The following NUTM2B variants were observed in gnomAD, a reference collection of about 807,000 sequenced individuals.
NUTM2B encodes the protein family with sequence similarity 22, member B.
A neutral mutation model predicts 42.4 loss-of-function variants in NUTM2B; 2 were observed. That is an observed-to-expected ratio of 0.05 (90% CI 0.02 to 0.15). The LOEUF is 0.15. Among genes scored for constraint, NUTM2B ranks in the 10% least tolerant of loss-of-function variants. The pLI, the probability that NUTM2B is intolerant of heterozygous loss-of-function variation, is 1.00. For missense variants in NUTM2B, 58 were observed against 952.6 expected, an observed-to-expected ratio of 0.06 and a Z score of 12.36; for synonymous variants, 18 against 402.4, an observed-to-expected ratio of 0.04 and a Z score of 11.43.
upstream of NUTM2B, among the ~76,000 whole-genome samples, chr10:79,701,064 G>C (rs987615214): frequency 2.0e-5 from 3 of 152,164 alleles, no homozygotes; most frequent in Admixed American, 2.0e-4. Flanking sequence ...TTATCCTAAA[G>C]CAAAGTATCC....
At chr10:79,708,541 GGTTGT>G (rs1355486162) in intron 2 of NUTM2B, among the ~76,000 whole-genome samples, 153 bp from the exon 3 acceptor site, 1 of 136,922 alleles carries the variant, frequency 7.3e-6, no homozygotes, top group Non-Finnish European at 1.6e-5. Context: ...TTGATCTTGG[GGTTGT>G]GTTCTGGGGC....
At chr10:79,700,893 T>C (rs2258955), upstream of NUTM2B, among the ~76,000 whole-genome samples, 5 of 152,136 alleles carry the variant, frequency 3.3e-5, no homozygotes, top group African/African-American at 1.2e-4. Context: ...GGCACCTGGG[T>C]GCTTCCTGGG....
At chr10:79,698,165 C>CAAA in the NUTM2B span, among the ~76,000 whole-genome samples, 15 of 126,450 alleles carry the variant, frequency 1.2e-4, no homozygotes, top group South Asian at 1.1e-3. Context: ...CCATACAATA[C>CAAA]AAAAAAAAAA....
At chr10:79,705,567 C>T (rs1407266970) in intron 1 of NUTM2B, among the ~76,000 whole-genome samples, 2 of 150,984 alleles carry the variant, frequency 1.3e-5, no homozygotes, top group African/African-American at 4.9e-5. Context: ...TTTACAAGAG[C>T]GTCAGGAAAA....
chr10:79,699,726 A>G (rs1306516036), upstream of NUTM2B, among the ~76,000 whole-genome samples: 3 of 152,196 alleles, frequency 2.0e-5, no homozygotes, highest in African/African-American at 7.2e-5. Flanking sequence ...TATAGGTGTG[A>G]GCCACCGTGC....
At chr10:79,695,584 C>T in the NUTM2B span, among the ~76,000 whole-genome samples, 1 of 152,168 alleles carries the variant, frequency 6.6e-6, no homozygotes, top group East Asian at 1.9e-4. Context: ...AGTATCCCCA[C>T]CCAGGAGGCA....
upstream of NUTM2B, among the ~76,000 whole-genome samples, chr10:79,699,988 G>A (rs1472677091): frequency 3.3e-5 from 5 of 152,358 alleles, no homozygotes; most frequent in Middle Eastern, 3.4e-3. Flanking sequence ...CGTGTGTGCA[G>A]TAAATTTTAG....
At chr10:79,694,042 C>G in the NUTM2B span, among the ~76,000 whole-genome samples, 1 of 152,158 alleles carries the variant, frequency 6.6e-6, no homozygotes, top group Non-Finnish European at 1.5e-5. Flanking sequence ...ACGTGGCTCC[C>G]TCTGCTGGGC....
chr10:79,701,362 T>G (rs148551822), upstream of NUTM2B, among the ~76,000 whole-genome samples: 18,884 of 151,822 alleles, frequency 0.12, 1,645 homozygotes, highest in East Asian at 0.43. Context: ...AATTCCACAC[T>G]CCCCATCCCT....
the NUTM2B span, chr10:79,692,143 G>C: frequency 3.3e-5 from 5 of 151,006 alleles, no homozygotes; most frequent in African/African-American, 1.2e-4. Flanking sequence ...GGGAGCCCAT[G>C]CTCCCCTGGG....
At chr10:79,700,913 C>T (rs527960178), upstream of NUTM2B, among the ~76,000 whole-genome samples, 24 of 152,286 alleles carry the variant, frequency 1.6e-4, no homozygotes, top group South Asian at 2.1e-4. Flanking sequence ...GGCCAGACAA[C>T]GCCCCCTCAT....
At chr10:79,699,789 A>C (rs1464704227), upstream of NUTM2B, among the ~76,000 whole-genome samples, 1 of 152,084 alleles carries the variant, frequency 6.6e-6, no homozygotes, top group African/African-American at 2.4e-5. Context: ...GACACCACCA[A>C]CCCACACATG....
the NUTM2B span, among the ~76,000 whole-genome samples, chr10:79,696,950 A>G: frequency 7.5e-6 from 1 of 133,298 alleles, no homozygotes; most frequent in East Asian, 2.3e-4. Context: ...CAGAGTGTAC[A>G]TTCACTTTGC....
At chr10:79,694,137 C>T in the NUTM2B span, among the ~76,000 whole-genome samples, 1 of 152,164 alleles carries the variant, frequency 6.6e-6, no homozygotes, top group African/African-American at 2.4e-5. Flanking sequence ...ATGGCTCACA[C>T]CTGTAATCCC....
chr10:79,692,541 A>G, the NUTM2B span, among the ~76,000 whole-genome samples: 187 of 152,316 alleles, frequency 1.2e-3, 1 homozygote, highest in African/African-American at 4.3e-3. Flanking sequence ...CTGAGTGCAG[A>G]GAAGACATTT....
chr10:79,694,731 C>G, the NUTM2B span, among the ~76,000 whole-genome samples: 1 of 152,196 alleles, frequency 6.6e-6, no homozygotes, highest in Admixed American at 6.5e-5. Context: ...AAACCGAATC[C>G]ATTCTCTCTT....
upstream of NUTM2B, among the ~76,000 whole-genome samples, chr10:79,698,298 C>T (rs1271562022): frequency 6.6e-6 from 1 of 152,132 alleles, no homozygotes; most frequent in Non-Finnish European, 1.5e-5. Context: ...AAACACTATC[C>T]AATCAATATG....
chr10:79,701,865 C>T (rs1840319556), upstream of NUTM2B, among the ~76,000 whole-genome samples: 1 of 146,846 alleles, frequency 6.8e-6, no homozygotes, highest in Admixed American at 6.9e-5. Context: ...AGACAAGACA[C>T]TTCCACAATA....
At chr10:79,695,827 A>C in the NUTM2B span, among the ~76,000 whole-genome samples, 1 of 151,496 alleles carries the variant, frequency 6.6e-6, no homozygotes, top group Non-Finnish European at 1.5e-5. Context: ...TACCAGGCCC[A>C]CCCATCTGAG....
Sources: allele counts gnomAD v4.1 joint callset (sites outside exome capture counted in the v4.1 genomes callset), GRCh38; gene constraint gnomAD v4.1.1; transcripts MANE v1.5; gene names NCBI Gene and HGNC (gene_info 2026-07-23, HGNC 2026-07-21).